BAG6: variants seen among roughly 807,000 people sequenced by gnomAD.
BAG6 encodes the protein large proline-rich protein BAG6.
Under a neutral mutation model 121.0 loss-of-function variants are expected in BAG6, and 22 were observed. The ratio of observed to expected loss-of-function variants is 0.18; its 90% confidence interval spans 0.13 to 0.26. BAG6 has a LOEUF of 0.26. Ranked by LOEUF, BAG6 falls within the 10% of genes least tolerant of loss-of-function variation. The pLI is 1.00. For synonymous variants in BAG6, 583 were observed against 584.6 expected (o/e 1.00, Z 0.04); for missense variants, 1,233 against 1,537.7 (o/e 0.80, Z 3.31).
At chr6:31,646,632 G>T in intron 7 of BAG6, 109 bp from the exon 8 acceptor site, 2 of 1,403,420 alleles carry the variant, frequency 1.4e-6, no homozygotes, top group Non-Finnish European at 1.9e-6. Flanking sequence ...CCAGAGCCCT[G>T]GCCCAATCCT....
chr6:31,649,335 G>A lies in BAG6; in HGVS notation c.287C>T (p.Ser96Phe), dbSNP rs1486866570. Reference sequence around the variant, plus strand: ...AGACCCCGTCCCAGAAGATGCCCCAGAAGGGAGGTGAGTCTGAGGAGGAGC... The same window carrying A: ...AGACCCCGTCCCAGAAGATGCCCCAAAAGGGAGGTGAGTCTGAGGAGGAGC... The part of the protein sequence containing the change: ...ERAPPQTHLP[S>F]GASSGTGSAS... Residue 96 changes from serine (S) to phenylalanine (F), a missense_variant, in exon 4 of 26, where the codon TCT (serine) becomes TTT (phenylalanine). By Grantham distance (155) the Ser-to-Phe change is radical (BLOSUM62 -2). Around this residue, in one of 7 missense-constraint regions of BAG6, gnomAD observed 777 missense variants for 861.4 expected, o/e 0.90. Transcript: ENST00000676615. The A allele has an allele frequency of 5.0e-6, 8 of 1,613,222 alleles. No individual in the cohort carries two copies. The South Asian group carries it at 7.7e-5, about 16-fold the overall frequency.
chr6:31,646,479 T>C lies in BAG6; in HGVS notation c.833A>G (p.Gln278Arg). 6.2e-7 allele frequency: 1 copy of C among 1,612,926 alleles called. No individual in the cohort carries two copies. The highest frequency in any genetic ancestry group is 8.5e-7 in the Non-Finnish European group (1 of 1,179,988). ...AEYVEVLQEL[Q>R]RLESRLQPFL... ...GGGCTGGAGGCGACTCTCCAGCCGC[T>C]GTAGCTCCTGGAGCACCTCGACATA... Residue 278 changes from glutamine to arginine, a missense_variant, in exon 8 of 26, where the codon CAG becomes CGG. Gln to Arg is a conservative substitution (Grantham distance 43). Transcript: ENST00000676615.
At position 31,651,714 on chromosome 6, in the gene BAG6, A is replaced by C; in HGVS notation, c.50T>G (p.Leu17Trp). 1 of 1,613,020 alleles carries C rather than the reference A, an allele frequency of 6.2e-7. No homozygotes were observed. Among genetic ancestry groups the C allele is most frequent in the Non-Finnish European group, 8.5e-7 (1 of 1,180,012 alleles). The change falls in exon 2 of 26, where the codon TTG becomes TGG. Residue 17 changes from leucine to tryptophan, a missense_variant. This residue lies in a region of BAG6 where 7 missense variants were observed against 24.3 expected (regional missense o/e 0.29). Transcript: ENST00000676615. ...TSTAVEEPDS[L>W]EVLVKTLDSQ... ...GTCCAAGGTCTTCACCAACACCTCCAAGCTGTCAGGCTCCTCCACAGCGGT... is the reference window on the plus strand; with the variant it reads ...GTCCAAGGTCTTCACCAACACCTCCCAGCTGTCAGGCTCCTCCACAGCGGT...
rs12055599 is a variant in BAG6 at position 31,644,799 on chromosome 6, A to T, written c.1369+147T>A. On this transcript the variant is annotated intron_variant, in intron 10 of 25. Coordinates refer to ENST00000676615, the MANE Select transcript of BAG6 (RefSeq NM_001387994.1). The surrounding 1 kb of genome is among the most constrained non-coding windows in gnomAD (Gnocchi z 4.9). ...AGACAAACCAACCCCCACACCCCCC[A>T]CATCTGTCTACTTAAGCTTCTGCTC... 3,493 of 1,350,930 alleles carry T rather than the reference A, an allele frequency of 2.6e-3. 152 individuals are homozygous for T. In the East Asian group the frequency reaches 0.076, roughly 29 times the overall value. 83.7% of individuals were successfully genotyped at this position (1,350,930 alleles called of 1,614,324 possible). A position where few individuals can be genotyped will look rare whatever the true frequency, so the allele number is the denominator to read the frequency against.
chr6:31,652,359 A>ACACACACACACACACC (rs752778693), intron 1 of BAG6, 65 bp downstream of exon 1: 2 of 137,106 alleles, frequency 1.5e-5, no homozygotes, highest in Non-Finnish European at 1.5e-5. Flanking sequence ...ACACACACAC[A>ACACACACACACACACC]CCCACCACCC....
chr6:31,643,799 G>T, intron 14 of BAG6, 91 bp downstream of exon 14: 1 of 1,281,308 alleles, frequency 7.8e-7, no homozygotes, highest in Non-Finnish European at 1.1e-6. Context: ...AGGAAAGCAG[G>T]AACCAAGAAA....
intron 6 of BAG6, 92 bp downstream of exon 6, chr6:31,648,585 T>C (rs1373459585): frequency 4.0e-6 from 5 of 1,261,232 alleles, no homozygotes; most frequent in East Asian, 4.7e-5. Context: ...GGCCAAACCC[T>C]GTGGATGTGG....
chr6:31,641,517 G>A lies in BAG6; in HGVS notation c.2559+22C>T. ...CCTTGACCAGACCCAGGAGAGGAAA[G>A]GAATAGAGAAGGGTTACTCACAAAA... On this transcript the variant is annotated intron_variant, in intron 18 of 25. Transcript: ENST00000676615. This position sits in a 1 kb window ranked among gnomAD's most constrained non-coding sequence, Gnocchi z 5.7. 2 of 1,614,150 alleles carry A rather than the reference G, an allele frequency of 1.2e-6. No individual in the cohort carries two copies. The highest frequency in any genetic ancestry group is 1.7e-6 in the Non-Finnish European group (2 of 1,180,000).
intron 6 of BAG6, 33 bp downstream of exon 6, chr6:31,648,644 G>A (rs780642627): frequency 3.7e-6 from 6 of 1,604,252 alleles, no homozygotes; most frequent in South Asian, 1.1e-5. Context: ...GAGGGAGGGT[G>A]GAGAGAGACC....
At chr6:31,647,387 G>C (rs768419294) in intron 7 of BAG6, among the ~76,000 whole-genome samples, 1 of 152,170 alleles carries the variant, frequency 6.6e-6, no homozygotes, top group African/African-American at 2.4e-5. Flanking sequence ...GGATTTCCTT[G>C]CCGTAGGGAG....
chr6:31,647,991 AT>A, intron 6 of BAG6, 165 bp from the exon 7 acceptor site: 2 of 880,186 alleles, frequency 2.3e-6, no homozygotes, highest in Non-Finnish European at 3.1e-6. Context: ...ACTGACACAA[AT>A]TAGATGCATA....
chr6:31,640,992 T>TA lies in BAG6; in HGVS notation c.2788-55dup. The TA allele has an allele frequency of 6.2e-7, 1 of 1,602,514 alleles. No homozygotes were observed. The highest frequency in any genetic ancestry group is 2.2e-5 in the East Asian group (1 of 44,696). On this transcript the variant is annotated intron_variant, in intron 20 of 25. Transcript: ENST00000676615. The surrounding 1 kb of genome is among the most constrained non-coding windows in gnomAD (Gnocchi z 4.2). ...CAAAACCCTCAACCACCTTTAGAAATAGATTAGATCCAGGTTACAGAATGT... is the reference window on the plus strand; with the variant it reads ...CAAAACCCTCAACCACCTTTAGAAATAAGATTAGATCCAGGTTACAGAATGT...
chr6:31,647,115 C>A (rs899398329), intron 7 of BAG6, among the ~76,000 whole-genome samples: 1 of 151,912 alleles, frequency 6.6e-6, no homozygotes, highest in African/African-American at 2.4e-5. Flanking sequence ...GTTGGCCAGG[C>A]TGGTCTCGAA....
rs150422210 is a variant in BAG6, at chr6:31,640,686, T to C, written c.2953A>G (p.Met985Val). Residue 985 changes from methionine (M) to valine (V), a missense_variant, in exon 22 of 26, where the codon ATG (methionine) becomes GTG (valine). Met to Val is a conservative substitution (Grantham distance 21, BLOSUM62 1). Around this residue, in one of 7 missense-constraint regions of BAG6, gnomAD observed 288 missense variants for 483.1 expected, o/e 0.60. Transcript: ENST00000676615. The surrounding 1 kb of genome is among the most constrained non-coding windows in gnomAD (Gnocchi z 4.2). ...GCTCTTTCTGCTCCCTGAACTTCCATTGGCTCCTCAGGAAGTGGCTGTGAA... is the reference window on the plus strand; with the variant it reads ...GCTCTTTCTGCTCCCTGAACTTCCACTGGCTCCTCAGGAAGTGGCTGTGAA... The part of the protein sequence containing the change: ...DPPQPLPEEP[M>V]EVQGAERASP... The C allele has an allele frequency of 3.6e-4, 581 of 1,613,038 alleles. 1 individual carries two copies. The highest frequency in any genetic ancestry group is 2.0e-3 in the East Asian group (88 of 44,884).
Position 31,647,784 on chromosome 6 carries a change from G to T in BAG6, c.595C>A (p.Gln199Lys). 1 of 1,584,126 alleles carries T rather than the reference G, an allele frequency of 6.3e-7. No homozygotes were observed. ...GGCTCCGGGGTCACAGCCGGTGGCTGCGGGGGCGGCTGACTGTGCTGCGGT... is the reference window on the plus strand; with the variant it reads ...GGCTCCGGGGTCACAGCCGGTGGCTTCGGGGGCGGCTGACTGTGCTGCGGT... Reference protein sequence around the residue: ...PQPQHSQPPPQPPAVTPEPVA... With the variant: ...PQPQHSQPPPKPPAVTPEPVA... Residue 199 changes from glutamine (Q) to lysine (K), a missense_variant, in exon 7 of 26, where the codon CAG (glutamine) becomes AAG (lysine). Transcript: ENST00000676615.
At chr6:31,651,976 G>C (rs1357850756) in intron 1 of BAG6, 200 bp from the exon 2 acceptor site, 18 of 519,882 alleles carry the variant, frequency 3.5e-5, no homozygotes, top group Non-Finnish European at 6.3e-5. Context: ...GGCTTAGGGA[G>C]CTGGAGGACG....
rs528087246 is a variant in BAG6, at chr6:31,644,909, T to A, written c.1369+37A>T. ...ACCTCAGCATGAACCTCCCTCATCA[T>A]GCTGATCCTGCTCTTCTCGCCAGCA... On this transcript the variant is annotated intron_variant, in intron 10 of 25. Coordinates refer to ENST00000676615, the MANE Select transcript of BAG6 (RefSeq NM_001387994.1). The surrounding 1 kb of genome is among the most constrained non-coding windows in gnomAD (Gnocchi z 4.9). The A allele has an allele frequency of 2.6e-6, 4 of 1,546,546 alleles. No homozygotes were observed. The South Asian group carries it at 5.0e-5, about 19-fold the overall frequency.
Position 31,639,493 on chromosome 6 carries a change from G to T in BAG6, c.3393+7C>A. The T allele has an allele frequency of 6.2e-7, 1 of 1,612,192 alleles. No individual in the cohort carries two copies. ...TAGACCATCCCTATTCTGCTTCAAG[G>T]TGGCACCTGCTGCCTGTAGCTCTCC... On this transcript the variant is annotated splice_region_variant and intron_variant, in intron 25 of 25. Transcript: ENST00000676615.
At chr6:31,643,165 C>T (rs1225748283) in intron 14 of BAG6, 50 bp from the exon 15 acceptor site, 21 of 1,508,722 alleles carry the variant, frequency 1.4e-5, no homozygotes, top group Non-Finnish European at 1.7e-5. Context: ...TGGCTCTTGG[C>T]TGTAATCCTA....
Sources: allele counts gnomAD v4.1 joint callset (sites outside exome capture counted in the v4.1 genomes callset), GRCh38; gene constraint gnomAD v4.1.1; regional missense constraint gnomAD v4.1.1; non-coding constraint Gnocchi (gnomAD v3.1); transcripts MANE v1.5; gene names NCBI Gene and HGNC (gene_info 2026-07-23, HGNC 2026-07-21).